Variants in CYP19A1 observed in about 807,000 individuals in gnomAD.
CYP19A1 encodes cytochrome P450 family 19 subfamily A member 1, also known as aromatase.
A neutral mutation model predicts 44.4 loss-of-function variants in CYP19A1; 32 were observed. The observed-to-expected ratio is 0.72, with a 90% confidence interval of 0.54 to 0.97. The LOEUF is 0.97. Among genes scored for constraint, CYP19A1 ranks in the 50% least tolerant of loss-of-function variants. The probability of loss-of-function intolerance (pLI) is 0.00; values close to 1 mark genes in which losing one functional copy is unlikely to be tolerated. For synonymous variants in CYP19A1, 212 were observed against 215.6 expected (o/e 0.98, Z 0.14); for missense variants, 598 against 637.8 (o/e 0.94, Z 0.67).
At chr15:51,243,381 A>T (rs555792538) in intron 1 of CYP19A1, among the ~76,000 whole-genome samples, 14 of 152,314 alleles carry the variant, frequency 9.2e-5, no homozygotes, top group South Asian at 2.1e-4. Flanking sequence ...TCAAAACAAA[A>T]AGGCAATCTC....
In CYP19A1 at chr15:51,264,295, G is replaced by A. The variant is rs988747444; in HGVS notation, c.-38-21345C>T. Among the ~76,000 whole-genome samples the A allele has an allele frequency of 3.3e-5, 5 of 152,186 alleles. No individual in the cohort carries two copies. The East Asian group carries it at 9.6e-4, about 29-fold the overall frequency. On this transcript the variant is annotated intron_variant, in intron 1 of 9. Transcript: ENST00000396402. ...AAGGGCAAATAACATCACTGACGGT[G>A]CAGTCATCATGGAACTGGGTAGTCA... is the stretch of plus-strand genomic sequence containing the variant.
At chr15:51,325,778 C>CAGTG (rs928628570) in intron 1 of CYP19A1, among the ~76,000 whole-genome samples, 79 of 127,890 alleles carry the variant, frequency 6.2e-4, no homozygotes, top group African/African-American at 2.3e-3. Context: ...TCAGAGGTTG[C>CAGTG]AGTGAGCCAA....
Position 51,215,237 on chromosome 15 carries a change from A to G in CYP19A1, c.859-5T>C. 1 of 1,614,058 alleles carries G rather than the reference A, an allele frequency of 6.2e-7. No homozygotes were observed. Among genetic ancestry groups the G allele is most frequent in the Non-Finnish European group, 8.5e-7 (1 of 1,179,968 alleles). ...TCTTGTCAGGTCACCACGTTTCTGA[A>G]CAATTGGAAGATGGGAAAAATTTGG... On this transcript the variant is annotated splice_region_variant and splice_polypyrimidine_tract_variant and intron_variant, in intron 7 of 9. Coordinates refer to ENST00000396402, the MANE Select transcript of CYP19A1 (RefSeq NM_000103.4).
At chr15:51,332,885 A>G (rs1425879127) in intron 1 of CYP19A1, among the ~76,000 whole-genome samples, 3 of 152,142 alleles carry the variant, frequency 2.0e-5, no homozygotes, top group Non-Finnish European at 2.9e-5. Flanking sequence ...GGAAGACTGT[A>G]AGATTTTCTT....
At chr15:51,291,771 A>G (rs996951319) in intron 1 of CYP19A1, among the ~76,000 whole-genome samples, 1 of 152,220 alleles carries the variant, frequency 6.6e-6, no homozygotes, top group Non-Finnish European at 1.5e-5. Context: ...GAAGATAATC[A>G]GGGAAAAAAG....
chr15:51,314,073 G>A (rs2036373858), intron 1 of CYP19A1: 3 of 151,260 alleles, frequency 2.0e-5, no homozygotes, highest in Admixed American at 1.3e-4. Context: ...CTGAGTCTCG[G>A]TTTTGAGAGG....
At chr15:51,325,150 C>A (rs1266670732) in intron 1 of CYP19A1, among the ~76,000 whole-genome samples, 1 of 152,040 alleles carries the variant, frequency 6.6e-6, no homozygotes, top group African/African-American at 2.4e-5. Context: ...GAGGCTGAGG[C>A]CAGCTTGGGC....
intron 1 of CYP19A1, among the ~76,000 whole-genome samples, chr15:51,325,939 C>T (rs567224334): frequency 4.7e-5 from 7 of 149,134 alleles, no homozygotes; most frequent in South Asian, 2.2e-4. Flanking sequence ...AGAACACTTA[C>T]ATTAGCGTAC....
intron 2 of CYP19A1, among the ~76,000 whole-genome samples, chr15:51,239,610 A>G (rs2033622432): frequency 6.6e-6 from 1 of 151,582 alleles, no homozygotes; most frequent in African/African-American, 2.4e-5. Context: ...ATTCTCTGGG[A>G]TGTGAAATTA....
intron 4 of CYP19A1, among the ~76,000 whole-genome samples, chr15:51,224,659 C>T (rs1200010879): frequency 6.6e-6 from 1 of 152,214 alleles, no homozygotes; most frequent in Non-Finnish European, 1.5e-5. Context: ...AATCCTGCTT[C>T]CTTCCAATTA....
At chr15:51,302,931 A>C (rs541049984) in intron 1 of CYP19A1, among the ~76,000 whole-genome samples, 11 of 152,244 alleles carry the variant, frequency 7.2e-5, no homozygotes, top group African/African-American at 2.6e-4. Context: ...ATAAACCCTC[A>C]AGGAGGCTTG....
intron 1 of CYP19A1, among the ~76,000 whole-genome samples, chr15:51,257,693 C>T (rs1437898101): frequency 6.6e-6 from 1 of 152,216 alleles, no homozygotes; most frequent in Non-Finnish European, 1.5e-5. Context: ...CATTGCAATG[C>T]TTTCCTCCAA....
At chr15:51,280,898 A>G (rs989244099) in intron 1 of CYP19A1, among the ~76,000 whole-genome samples, 1 of 152,186 alleles carries the variant, frequency 6.6e-6, no homozygotes, top group Non-Finnish European at 1.5e-5. Context: ...CCCAGCCCAC[A>G]TGAGCTCCAT....
At chr15:51,327,821 A>G (rs1426187209) in intron 1 of CYP19A1, among the ~76,000 whole-genome samples, 4 of 152,202 alleles carry the variant, frequency 2.6e-5, no homozygotes, top group African/African-American at 9.7e-5. Context: ...GTTATGCTCA[A>G]ATGAAACCCA....
chr15:51,220,395 G>A (rs2031971339), intron 5 of CYP19A1, among the ~76,000 whole-genome samples: 1 of 152,172 alleles, frequency 6.6e-6, no homozygotes, highest in Non-Finnish European at 1.5e-5. Flanking sequence ...TAAGCCCCTT[G>A]AAGGCAAGAA....
intron 1 of CYP19A1, among the ~76,000 whole-genome samples, chr15:51,336,835 G>A (rs1335032570): frequency 6.6e-6 from 1 of 151,892 alleles, no homozygotes; most frequent in Non-Finnish European, 1.5e-5. Context: ...CCAAAAAAAG[G>A]GAATTGAGAT....
intron 1 of CYP19A1, among the ~76,000 whole-genome samples, chr15:51,337,035 G>T (rs1481387884): frequency 6.6e-6 from 1 of 152,104 alleles, no homozygotes; most frequent in Non-Finnish European, 1.5e-5. Context: ...CACACTGAAA[G>T]GCTCCATATA....
chr15:51,249,260 G>C (rs2034205483), intron 1 of CYP19A1, among the ~76,000 whole-genome samples: 1 of 152,002 alleles, frequency 6.6e-6, no homozygotes, highest in African/African-American at 2.4e-5. Context: ...TCTTGACCCA[G>C]CCTTATTTCT....
intron 1 of CYP19A1, among the ~76,000 whole-genome samples, chr15:51,286,863 C>G (rs1281588252): frequency 6.6e-6 from 1 of 152,188 alleles, no homozygotes; most frequent in Non-Finnish European, 1.5e-5. Flanking sequence ...ACCCCTGACC[C>G]AGGAGATCTT....
Sources: gnomAD v4.1 joint callset for allele counts (sites outside exome capture counted in the v4.1 genomes callset) on GRCh38, gnomAD v4.1.1 for gene constraint, MANE v1.5 for transcripts, NCBI Gene and HGNC (gene_info 2026-07-23, HGNC 2026-07-21) for gene names.